Variants in HIVEP1 observed in about 807,000 individuals in gnomAD.
HIVEP1 encodes the protein HIVEP zinc finger 1.
In HIVEP1, 36 loss-of-function variants were observed where a neutral mutation model predicts 180.0. The observed-to-expected ratio is 0.20, with a 90% confidence interval of 0.15 to 0.26. The LOEUF (loss-of-function observed/expected upper bound fraction) is 0.26, where lower values mean the gene tolerates loss of function less well. HIVEP1 is among the 10% of genes least tolerant of loss of function. The pLI is 1.00. For synonymous variants in HIVEP1, 1,239 were observed against 1,239.0 expected, an observed-to-expected ratio of 1.00 and a Z score of 0.00; for missense variants, 3,143 against 3,268.7, an observed-to-expected ratio of 0.96 and a Z score of 0.94.
At chr6:12,069,962 GAC>G (rs146472999) in intron 2 of HIVEP1, among the ~76,000 whole-genome samples, 9,188 of 151,250 alleles carry the variant, frequency 0.061, 318 homozygotes, top group Middle Eastern at 0.17. Flanking sequence ...TAAGAACTAA[GAC>G]ACACACACAC....
At chr6:12,173,688 A>G in the HIVEP1 span, among the ~76,000 whole-genome samples, 1 of 152,194 alleles carries the variant, frequency 6.6e-6, no homozygotes, top group Non-Finnish European at 1.5e-5. Flanking sequence ...ACGAAGACCA[A>G]TAGACATTTG....
intron 3 of HIVEP1, among the ~76,000 whole-genome samples, chr6:12,106,024 A>G (rs1774406677): frequency 2.0e-5 from 3 of 151,384 alleles, no homozygotes; most frequent in Non-Finnish European, 4.4e-5. Flanking sequence ...ACATATATAT[A>G]CACACACATA....
intron 1 of HIVEP1, among the ~76,000 whole-genome samples, chr6:12,013,206 A>AT (rs1281516522): frequency 2.5e-5 from 2 of 80,256 alleles, no homozygotes; most frequent in African/African-American, 7.8e-5. Flanking sequence ...TGGCACTTCC[A>AT]TTCCCCCCCT....
chr6:12,205,458 A>G, the HIVEP1 span, among the ~76,000 whole-genome samples: 12 of 151,496 alleles, frequency 7.9e-5, no homozygotes, highest in South Asian at 4.2e-4. Flanking sequence ...GTGACAGAGC[A>G]AGACTCCATC....
At chr6:12,017,361 C>T (rs541812597) in intron 2 of HIVEP1, among the ~76,000 whole-genome samples, 1 of 152,134 alleles carries the variant, frequency 6.6e-6, no homozygotes, top group Non-Finnish European at 1.5e-5. Context: ...TTTGGAGTTT[C>T]TTTCTTCTGG....
intron 2 of HIVEP1, among the ~76,000 whole-genome samples, chr6:12,073,312 T>C (rs1772113356): frequency 6.6e-6 from 1 of 152,180 alleles, no homozygotes; most frequent in Admixed American, 6.5e-5. Context: ...CAGTCTTCCT[T>C]TGGGTGGCTT....
chr6:12,014,202 G>A (rs927413027), intron 1 of HIVEP1, among the ~76,000 whole-genome samples: 2 of 152,152 alleles, frequency 1.3e-5, no homozygotes, highest in Non-Finnish European at 2.9e-5. Context: ...GTAAAGCCTG[G>A]CTTTGAACCC....
chr6:12,193,144 C>T, the HIVEP1 span, among the ~76,000 whole-genome samples: 139 of 152,246 alleles, frequency 9.1e-4, no homozygotes, highest in African/African-American at 3.3e-3. Flanking sequence ...ATGCTTTTTG[C>T]TTAACATATT....
intron 3 of HIVEP1, among the ~76,000 whole-genome samples, chr6:12,111,208 G>A (rs1045241982): frequency 1.6e-4 from 25 of 152,332 alleles, no homozygotes; most frequent in African/African-American, 5.8e-4. Context: ...GAAAAAATAT[G>A]TCACACACCA....
intron 3 of HIVEP1, among the ~76,000 whole-genome samples, chr6:12,119,232 T>C (rs138167970): frequency 1.3e-5 from 2 of 152,338 alleles, no homozygotes; most frequent in Non-Finnish European, 2.9e-5. Context: ...GGTTAATGAT[T>C]GTTGGAAAGG....
At chr6:12,012,885 C>G (rs937675602) in intron 1 of HIVEP1, 1 of 152,892 alleles carries the variant, frequency 6.5e-6, no homozygotes. Flanking sequence ...GGCATCCCAA[C>G]CTCCCGGCTT....
chr6:12,181,217 G>A, the HIVEP1 span, among the ~76,000 whole-genome samples: 46 of 151,800 alleles, frequency 3.0e-4, 2 homozygotes, highest in African/African-American at 9.9e-4. Flanking sequence ...AAAATTAGCC[G>A]GGCATGGTGG....
intron 2 of HIVEP1, among the ~76,000 whole-genome samples, chr6:12,088,761 CT>C (rs145920582): frequency 0.16 from 24,193 of 152,112 alleles, 2,532 homozygotes; most frequent in Non-Finnish European, 0.24. Context: ...TTTTTCCATC[CT>C]TTTCTGTCTT....
intron 2 of HIVEP1, among the ~76,000 whole-genome samples, chr6:12,074,619 A>AT (rs1554139006): frequency 3.6e-5 from 5 of 138,768 alleles, no homozygotes; most frequent in African/African-American, 1.0e-4. Flanking sequence ...TGTATGAAAA[A>AT]GTGTGTGTGT....
intron 4 of HIVEP1, 36 bp from the exon 5 acceptor site, chr6:12,129,723 T>G: frequency 6.5e-7 from 1 of 1,537,314 alleles, no homozygotes; most frequent in Non-Finnish European, 9.0e-7. Context: ...GTGTTTTCAG[T>G]TTTATTAAAT....
At chr6:12,162,062 T>G (rs1023229062) in intron 8 of HIVEP1, 133 bp downstream of exon 8, 1 of 777,876 alleles carries the variant, frequency 1.3e-6, no homozygotes, top group Non-Finnish European at 2.0e-6. Flanking sequence ...AGCTTTATTT[T>G]TTTCTTGTAT....
At chr6:12,132,762 T>C (rs1271125614) in intron 6 of HIVEP1, among the ~76,000 whole-genome samples, 1 of 152,190 alleles carries the variant, frequency 6.6e-6, no homozygotes, top group Non-Finnish European at 1.5e-5. Context: ...TAAATATTTA[T>C]TTGAAGGAGG....
intron 2 of HIVEP1, among the ~76,000 whole-genome samples, chr6:12,061,170 G>C (rs889297127): frequency 6.6e-6 from 1 of 152,156 alleles, no homozygotes; most frequent in Admixed American, 6.5e-5. Flanking sequence ...AGTGCCTGTG[G>C]ATTCTCTATG....
chr6:12,015,611 G>A lies in HIVEP1; in HGVS notation c.-18G>A. 2 of 1,610,668 alleles carry A rather than the reference G, an allele frequency of 1.2e-6. No homozygotes were observed. The highest frequency in any genetic ancestry group is 1.7e-6 in the Non-Finnish European group (2 of 1,178,184). On this transcript the variant is annotated 5_prime_UTR_variant, in exon 2 of 9. Coordinates refer to ENST00000379388, the MANE Select transcript of HIVEP1 (RefSeq NM_002114.4). ...CTGCAGTTTTTAAGAAGAAAAAGAA[G>A]GCCCTGAGTCAAAGAAGATGCCTCG... is the stretch of plus-strand genomic sequence containing the variant.
Sources: gnomAD v4.1 joint callset for allele counts (sites outside exome capture counted in the v4.1 genomes callset) on GRCh38, gnomAD v4.1.1 for gene constraint, MANE v1.5 for transcripts, NCBI Gene and HGNC (gene_info 2026-07-23, HGNC 2026-07-21) for gene names.